The following CDYL variants were observed in gnomAD, a reference collection of about 807,000 sequenced individuals.
The protein encoded by CDYL is chromodomain Y like.
CDYL carries 8 observed loss-of-function variants against 47.3 expected under a neutral mutation model. That is an observed-to-expected ratio of 0.17 (90% CI 0.10 to 0.31). CDYL has a LOEUF of 0.31. Ranked by LOEUF, CDYL falls within the 10% of genes least tolerant of loss-of-function variation. The pLI, the probability that CDYL is intolerant of heterozygous loss-of-function variation, is 1.00. For synonymous variants in CDYL, 266 were observed against 265.0 expected (o/e 1.00, Z -0.04); for missense variants, 471 against 701.4 (o/e 0.67, Z 3.71).
At position 4,849,176 on chromosome 6, in the gene CDYL, A is replaced by C. The variant is rs143892510; in HGVS notation, c.25-42537A>C. 1.6e-3 allele frequency among the ~76,000 whole-genome samples: 242 copies of C among 152,294 alleles called. 3 individuals carry two copies. Among genetic ancestry groups the C allele is most frequent in the African/African-American group, 5.5e-3 (228 of 41,558 alleles). On this transcript the variant is annotated intron_variant, in intron 1 of 6. Transcript: ENST00000397588. ...TGCCTTAGTCCATCGTTTCTCCTTT[A>C]AATTCCTAAAGGCAGGAATGAGTGT...
chr6:4,722,021 A>G (rs1757379300), intron 2 of CDYL, among the ~76,000 whole-genome samples: 1 of 151,880 alleles, frequency 6.6e-6, no homozygotes, highest in African/African-American at 2.4e-5. Context: ...TGCCTGGCTA[A>G]TTTTTGTATT....
At chr6:4,759,776 G>A (rs1171779026) in intron 3 of CDYL, among the ~76,000 whole-genome samples, 1 of 150,194 alleles carries the variant, frequency 6.7e-6, no homozygotes, top group African/African-American at 2.4e-5. Context: ...CTACTCAGGA[G>A]GCTGAGGCAG....
chr6:4,823,716 C>G (rs1418867218), intron 1 of CDYL, among the ~76,000 whole-genome samples: 1 of 152,086 alleles, frequency 6.6e-6, no homozygotes, highest in African/African-American at 2.4e-5. Flanking sequence ...CAAACAGAAA[C>G]TTTGTAACCG....
intron 2 of CDYL, among the ~76,000 whole-genome samples, chr6:4,717,805 T>C (rs1757296501): frequency 6.6e-6 from 1 of 151,644 alleles, no homozygotes; most frequent in African/African-American, 2.4e-5. Flanking sequence ...TTTTCTTATT[T>C]TTTACATTGT....
At chr6:4,745,214 C>T (rs1757867886) in intron 3 of CDYL, among the ~76,000 whole-genome samples, 1 of 152,150 alleles carries the variant, frequency 6.6e-6, no homozygotes, top group South Asian at 2.1e-4. Flanking sequence ...CCAGGCTCAG[C>T]CTCCCAAAGT....
At chr6:4,758,767 C>G (rs2127422145) in intron 3 of CDYL, among the ~76,000 whole-genome samples, 1 of 152,092 alleles carries the variant, frequency 6.6e-6, no homozygotes, top group Non-Finnish European at 1.5e-5. Context: ...AACATAGTTC[C>G]TGCTACATAT....
At chr6:4,929,785 A>G (rs1561714647) in intron 2 of CDYL, among the ~76,000 whole-genome samples, 2 of 151,898 alleles carry the variant, frequency 1.3e-5, no homozygotes, top group Non-Finnish European at 2.9e-5. Context: ...AGTTTTGAAG[A>G]TGTTCTTTTC....
chr6:4,949,309 C>T (rs1307691832), intron 5 of CDYL, among the ~76,000 whole-genome samples: 7 of 152,208 alleles, frequency 4.6e-5, no homozygotes, highest in South Asian at 2.1e-4. Context: ...CCTTACCCCA[C>T]GCTCACACCT....
intron 1 of CDYL, among the ~76,000 whole-genome samples, chr6:4,712,538 C>T (rs974522684): frequency 6.6e-6 from 1 of 152,210 alleles, no homozygotes; most frequent in East Asian, 1.9e-4. Context: ...CCACCTCCCA[C>T]CCGGGCACAA....
intron 1 of CDYL, among the ~76,000 whole-genome samples, chr6:4,799,827 C>G (rs937339326): frequency 6.6e-6 from 1 of 151,936 alleles, no homozygotes; most frequent in South Asian, 2.1e-4. Flanking sequence ...TACGATTGTG[C>G]ATTGGTTGTT....
At chr6:4,731,210 C>T (rs1757599493) in intron 2 of CDYL, among the ~76,000 whole-genome samples, 1 of 152,172 alleles carries the variant, frequency 6.6e-6, no homozygotes, top group South Asian at 2.1e-4. Context: ...ACACCTTCAG[C>T]TTATATAAAT....
chr6:4,894,893 A>G (rs992777003), intron 2 of CDYL, among the ~76,000 whole-genome samples: 3 of 149,894 alleles, frequency 2.0e-5, no homozygotes, highest in Non-Finnish European at 4.5e-5. Context: ...GTGTGTGTAT[A>G]TATACACACG....
chr6:4,852,040 C>T (rs757261635), intron 1 of CDYL, among the ~76,000 whole-genome samples: 2 of 152,174 alleles, frequency 1.3e-5, no homozygotes, highest in African/African-American at 2.4e-5. Flanking sequence ...CTTTCCCTTG[C>T]TCTTCTGTAA....
intron 1 of CDYL, among the ~76,000 whole-genome samples, chr6:4,799,390 GC>G (rs1184341727): frequency 6.6e-6 from 1 of 152,102 alleles, no homozygotes; most frequent in East Asian, 1.9e-4. Context: ...TGTTGATGGA[GC>G]TTTTCATAAA....
At chr6:4,768,199 T>C (rs1758285470) in intron 3 of CDYL, among the ~76,000 whole-genome samples, 3 of 152,220 alleles carry the variant, frequency 2.0e-5, no homozygotes, top group South Asian at 4.1e-4. Context: ...ATTCATCCTT[T>C]AGATTTTAGC....
chr6:4,923,347 C>T (rs1757772550), intron 2 of CDYL, among the ~76,000 whole-genome samples: 1 of 152,172 alleles, frequency 6.6e-6, no homozygotes, highest in African/African-American at 2.4e-5. Context: ...GCTTCGTTCA[C>T]TTAGCATGAT....
chr6:4,830,141 A>G (rs1471921250), intron 1 of CDYL, among the ~76,000 whole-genome samples: 2 of 152,274 alleles, frequency 1.3e-5, no homozygotes, highest in African/African-American at 4.8e-5. Flanking sequence ...ACAATTTTCA[A>G]TATTCAAGGT....
rs1315770814 is a variant in CDYL, at chr6:4,813,621, A to ATG, written c.24+36822_24+36823dup. 5.3e-5 allele frequency among the ~76,000 whole-genome samples: 8 copies of ATG among 152,304 alleles called. No individual in the cohort carries two copies. The South Asian group carries it at 1.0e-3, about 20-fold the overall frequency. On this transcript the variant is annotated intron_variant, in intron 1 of 6. Transcript: ENST00000397588. ...GTGAGATTGACGGATCCATTTGTGC[A>ATG]TGTGTGTGTATATGTGCACATGCTG...
intron 1 of CDYL, among the ~76,000 whole-genome samples, chr6:4,837,609 C>G (rs779112651): frequency 2.6e-5 from 4 of 151,380 alleles, no homozygotes; most frequent in Non-Finnish European, 5.9e-5. Flanking sequence ...GGATTACAGG[C>G]GAGTGTTACC....
Sources: gnomAD v4.1 joint callset for allele counts (sites outside exome capture counted in the v4.1 genomes callset) on GRCh38, gnomAD v4.1.1 for gene constraint, MANE v1.5 for transcripts, NCBI Gene and HGNC (gene_info 2026-07-23, HGNC 2026-07-21) for gene names.